The following RGPD3 variants were observed in gnomAD, a reference collection of about 807,000 sequenced individuals.
RGPD3 encodes ranBP2-like and GRIP domain-containing protein 3.
Under a neutral mutation model 154.5 loss-of-function variants are expected in RGPD3, and 62 were observed. The observed-to-expected ratio is 0.40, with a 90% CI of 0.33 to 0.50. RGPD3 has a LOEUF of 0.50. RGPD3 is among the 20% of genes least tolerant of loss of function. RGPD3 has a pLI of 0.59. For synonymous variants in RGPD3, 308 were observed against 607.0 expected (o/e 0.51, Z 7.24); for missense variants, 919 against 1,716.8 (o/e 0.54, Z 8.21).
chr2:106,467,539 C>A (rs62152543), intron 1 of RGPD3, among the ~76,000 whole-genome samples: 3 of 27,544 alleles, frequency 1.1e-4, no homozygotes, highest in Non-Finnish European at 1.4e-4. Context: ...GGGTTGAGGC[C>A]GCCGCCTCAA....
At chr2:106,446,316 C>G (rs1337711153) in intron 7 of RGPD3, among the ~76,000 whole-genome samples, 4 of 150,926 alleles carry the variant, frequency 2.7e-5, no homozygotes, top group South Asian at 2.1e-4. Context: ...CCTGTAAATC[C>G]CAGCACTCTG....
At chr2:106,451,883 T>C (rs191797985) in intron 6 of RGPD3, among the ~76,000 whole-genome samples, 23,388 of 151,052 alleles carry the variant, frequency 0.15, 1,568 homozygotes, top group South Asian at 0.23. Flanking sequence ...TATACTATTA[T>C]AAAAAAATAA....
intron 1 of RGPD3, among the ~76,000 whole-genome samples, chr2:106,463,118 G>A (rs1678452419): frequency 6.6e-6 from 1 of 151,718 alleles, no homozygotes; most frequent in South Asian, 2.1e-4. Flanking sequence ...TTGTTACCAA[G>A]AACAAGAATC....
intron 8 of RGPD3, among the ~76,000 whole-genome samples, chr2:106,440,428 T>A (rs532722233): frequency 1.9e-4 from 28 of 151,264 alleles, no homozygotes; most frequent in African/African-American, 5.2e-4. Flanking sequence ...TAAAAAAAAA[T>A]ACAGGCAATT....
In RGPD3 at chr2:106,446,264, T is replaced by TAAAA. The variant is rs1239130246; in HGVS notation, c.978+1150_978+1153dup. ...CCTTTCAAAAGTTATGCAGGCTCAT[T>TAAAA]AAAAAAAAAAAAAAAAAAAAGGCTG... On this transcript the variant is annotated intron_variant, in intron 7 of 22. Coordinates refer to ENST00000409886, the MANE Select transcript of RGPD3 (RefSeq NM_001144013.2). 6.0e-3 allele frequency among the ~76,000 whole-genome samples: 441 copies of TAAAA among 73,072 alleles called. 1 individual carries two copies. The highest frequency in any genetic ancestry group is 0.022 in the African/African-American group (418 of 18,858). 47.9% of individuals were successfully genotyped at this position (73,072 alleles called of 152,430 possible). A position where few individuals can be genotyped will look rare whatever the true frequency, so the allele number is the denominator to read the frequency against.
chr2:106,434,113 T>C, intron 15 of RGPD3, 115 bp downstream of exon 15: 8 of 1,575,920 alleles, frequency 5.1e-6, no homozygotes, highest in Non-Finnish European at 6.9e-6. Context: ...CTTCTGTGCA[T>C]TAATAACAAC....
At chr2:106,414,077 G>A (rs1402236530) in intron 21 of RGPD3, among the ~76,000 whole-genome samples, 2 of 152,024 alleles carry the variant, frequency 1.3e-5, no homozygotes, top group Admixed American at 6.6e-5. Context: ...TTCAGACACA[G>A]TGAAAATTCA....
intron 22 of RGPD3, among the ~76,000 whole-genome samples, chr2:106,407,342 A>C (rs903693112): frequency 5.9e-5 from 9 of 152,170 alleles, no homozygotes; most frequent in East Asian, 1.9e-4. Context: ...ACTGGCTCTC[A>C]AGGGGAAGAG....
chr2:106,417,774 G>A (rs900474039), intron 20 of RGPD3, among the ~76,000 whole-genome samples: 3 of 151,308 alleles, frequency 2.0e-5, no homozygotes, highest in Admixed American at 6.6e-5. Context: ...AAGAGTAGAG[G>A]AATTAAGTAA....
At chr2:106,446,032 T>G in intron 7 of RGPD3, among the ~76,000 whole-genome samples, 1 of 52,068 alleles carries the variant, frequency 1.9e-5, no homozygotes, top group Admixed American at 2.5e-4. Flanking sequence ...GAGGTTGCAG[T>G]GAGCCAGATG....
rs1436855903 is a variant in RGPD3 at position 106,403,637 on chromosome 2, T to C, written c.*1582A>G. ...TTTAAATATGATTAGTTACATCGTA[T>C]GCAGCTGGCATACTCATATTCACAG... On this transcript the variant is annotated 3_prime_UTR_variant, in exon 23 of 23. Transcript: ENST00000409886. Among the ~76,000 whole-genome samples, 2 of 152,296 alleles carry C rather than the reference T, an allele frequency of 1.3e-5. No homozygotes were observed.
intron 6 of RGPD3, among the ~76,000 whole-genome samples, chr2:106,448,675 G>T (rs1424997651): frequency 6.6e-6 from 1 of 150,962 alleles, no homozygotes; most frequent in Non-Finnish European, 1.5e-5. Flanking sequence ...ATTTTCTCAT[G>T]TATGTAGAGC....
At chr2:106,467,692 G>C (rs1221285716) in intron 1 of RGPD3, among the ~76,000 whole-genome samples, 5 of 124,058 alleles carry the variant, frequency 4.0e-5, no homozygotes, top group South Asian at 5.3e-4. Context: ...CTGAGCCATC[G>C]AGGCAGCCGC....
intron 21 of RGPD3, among the ~76,000 whole-genome samples, 153 bp downstream of exon 21, chr2:106,415,697 A>AAAAT (rs1491421236): frequency 7.4e-6 from 1 of 134,576 alleles, no homozygotes; most frequent in Admixed American, 7.3e-5. Flanking sequence ...AAAAAAAAAA[A>AAAAT]GGCAATATTT....
intron 1 of RGPD3, among the ~76,000 whole-genome samples, chr2:106,467,998 A>C (rs1315610051): frequency 9.9e-5 from 13 of 131,446 alleles, no homozygotes; most frequent in East Asian, 2.3e-4. Context: ...CCGGCGCCTC[A>C]ACAGAGCGCG....
At chr2:106,462,372 T>C (rs1021660505) in intron 1 of RGPD3, among the ~76,000 whole-genome samples, 12 of 151,030 alleles carry the variant, frequency 7.9e-5, no homozygotes, top group Non-Finnish European at 1.5e-4. Flanking sequence ...ACAAGGGAAC[T>C]GAAGCTCAAG....
At chr2:106,445,146 AGGCGT>A (rs1677870081) in intron 7 of RGPD3, among the ~76,000 whole-genome samples, 1 of 117,040 alleles carries the variant, frequency 8.5e-6, no homozygotes, top group South Asian at 2.9e-4. Context: ...AAAATTAGCC[AGGCGT>A]GGTGGTGGGT....
rs751686180 is a variant in RGPD3 at position 106,423,786 on chromosome 2, C to T, written c.4181G>A (p.Arg1394His). The T allele has an allele frequency of 1.0e-4, 166 of 1,611,860 alleles. No homozygotes were observed. The highest frequency in any genetic ancestry group is 3.1e-4 in the African/African-American group (23 of 74,820). Reference sequence around the variant, plus strand: ...TACTTGGTCCCTTCTCATCAGTATACGAACGTGCTTATTATCATAATTCTG... The same window carrying T: ...TACTTGGTCCCTTCTCATCAGTATATGAACGTGCTTATTATCATAATTCTG... ...ILQNYDNKHV[R>H]ILMRRDQVLK... The change falls in exon 20 of 23, where the codon CGT becomes CAT. Residue 1394 changes from arginine to histidine, a missense_variant. Arg to His is a conservative substitution (Grantham distance 29). Coordinates refer to ENST00000409886, the MANE Select transcript of RGPD3 (RefSeq NM_001144013.2).
At chr2:106,445,454 C>A (rs1400001746) in intron 7 of RGPD3, among the ~76,000 whole-genome samples, 1 of 151,532 alleles carries the variant, frequency 6.6e-6, no homozygotes, top group Non-Finnish European at 1.5e-5. Context: ...AATATTAGCA[C>A]TTAACATGTG....
Sources: gnomAD v4.1 joint callset for allele counts (sites outside exome capture counted in the v4.1 genomes callset) on GRCh38, gnomAD v4.1.1 for gene constraint, MANE v1.5 for transcripts, NCBI Gene and HGNC (gene_info 2026-07-23, HGNC 2026-07-21) for gene names.